The following TCOF1 variants were observed in gnomAD, a reference collection of about 807,000 sequenced individuals.
TCOF1 encodes treacle ribosome biogenesis factor 1.
A neutral mutation model predicts 149.0 loss-of-function variants in TCOF1; 33 were observed. That is an observed-to-expected ratio of 0.22 (90% confidence interval 0.17 to 0.30). The LOEUF is 0.30. TCOF1 is among the 10% of genes least tolerant of loss of function. The pLI, the probability that TCOF1 is intolerant of heterozygous loss-of-function variation, is 1.00. For missense variants in TCOF1, 1,728 were observed against 1,840.7 expected (o/e 0.94, Z 1.12); for synonymous variants, 789 against 738.8 (o/e 1.07, Z -1.10).
At chr5:150,363,171 T>C (rs900905583) in intron 2 of TCOF1, among the ~76,000 whole-genome samples, 1 of 152,214 alleles carries the variant, frequency 6.6e-6, no homozygotes, top group African/African-American at 2.4e-5. Context: ...ATTCTTGATA[T>C]AGCTGGGAAC....
intron 14 of TCOF1, chr5:150,378,692 T>C (rs773059353): frequency 3.1e-5 from 19 of 621,976 alleles, no homozygotes; most frequent in Non-Finnish European, 5.4e-5. Context: ...TTAGTCTTCA[T>C]CATAACCCGT....
chr5:150,384,589 CTG>C, intron 17 of TCOF1: 1 of 985,482 alleles, frequency 1.0e-6, no homozygotes, highest in Non-Finnish European at 1.2e-6. Context: ...CCCCCTTTCT[CTG>C]TGGGGGTGGA....
chr5:150,372,009 A>T lies in TCOF1; in HGVS notation c.643A>T (p.Lys215Ter), dbSNP rs751988102. 1 of 1,613,876 alleles carries T rather than the reference A, an allele frequency of 6.2e-7. No individual in the cohort carries two copies. The highest frequency in any genetic ancestry group is 8.5e-7 in the Non-Finnish European group (1 of 1,179,716). The change falls in exon 7 of 27, where the codon AAA becomes TAA. Residue 215 changes from lysine to a stop codon, truncating the protein, a stop_gained. Coordinates refer to ENST00000643257, the MANE Select transcript of TCOF1 (RefSeq NM_001371623.1). LOFTEE classifies it high-confidence loss of function. Reference protein sequence around the residue: ...SSSDETDVEGKPSVKPAQVKA... With the variant: ...SSSDETDVEG ...TAATTCCATCCTCTTGTTCCAGGGGAAACCCTCAGTAAAACCAGCCCAGGT... is the reference window on the plus strand; with the variant it reads ...TAATTCCATCCTCTTGTTCCAGGGGTAACCCTCAGTAAAACCAGCCCAGGT...
At chr5:150,374,501 T>C in intron 8 of TCOF1, 115 bp downstream of exon 8, 1 of 1,563,322 alleles carries the variant, frequency 6.4e-7, no homozygotes, top group Admixed American at 1.8e-5. Context: ...CCCCAGCCCC[T>C]TACTCCCCTC....
At position 150,396,650 on chromosome 5, in the gene TCOF1, A is replaced by T. The variant is rs551923695; in HGVS notation, c.4153A>T (p.Thr1385Ser). The T allele has an allele frequency of 1.2e-6, 2 of 1,608,714 alleles. No homozygotes were observed. The highest frequency in any genetic ancestry group is 1.3e-5 in the African/African-American group (1 of 74,966). Residue 1385 changes from threonine (T) to serine (S), a missense_variant, in exon 24 of 27, where the codon ACG becomes TCG. By Grantham distance (58) the Thr-to-Ser change is moderately conservative. This residue lies in a region of TCOF1 where 1,696 missense variants were observed against 1,765.4 expected (regional missense o/e 0.96). Coordinates refer to ENST00000643257, the MANE Select transcript of TCOF1 (RefSeq NM_001371623.1). The stretch of plus-strand genomic sequence containing the variant: ...CTCTGTTTCCCCAGAAAAGACCTCC[A>T]CGACTTCCAAGGGGAAAGCAAAGAG... ...EASVSPEKTS[T>S]TSKGKAKRDK... is the part of the protein sequence containing the mutation.
Position 150,368,712 on chromosome 5 carries a change from G to A in TCOF1, c.379-4G>A, listed in dbSNP as rs1391509236. ...GATGTGTCTGTCACTCTTGTTCTCT[G>A]TAGGCAGAGACAGAGAAAGCTGGCA... is the stretch of plus-strand genomic sequence containing the variant. On this transcript the variant is annotated splice_region_variant and splice_polypyrimidine_tract_variant and intron_variant, in intron 4 of 26. Coordinates refer to ENST00000643257, the MANE Select transcript of TCOF1 (RefSeq NM_001371623.1). 2 of 1,614,002 alleles carry A rather than the reference G, an allele frequency of 1.2e-6. No individual in the cohort carries two copies. Among genetic ancestry groups the A allele is most frequent in the East Asian group, 2.2e-5 (1 of 44,896 alleles).
In TCOF1 at chr5:150,375,155, G is replaced by C; in HGVS notation, c.1480G>C (p.Ala494Pro). Residue 494 changes from alanine (A) to proline (P), a missense_variant, in exon 10 of 27, where the codon GCA becomes CCA. Coordinates refer to ENST00000643257, the MANE Select transcript of TCOF1 (RefSeq NM_001371623.1). ...CAGAGAGGCACTGGCAGCCATGAAT[G>C]CAGCTCAGGTGAGGCTGGAAGCCGC... ...SDREALAAMN[A>P]AQVKPLGKSP... 6.2e-7 allele frequency: 1 copy of C among 1,613,644 alleles called. No individual in the cohort carries two copies. The highest frequency in any genetic ancestry group is 1.1e-5 in the South Asian group (1 of 91,050).
Position 150,392,144 on chromosome 5 carries a change from G to A in TCOF1, c.3485G>A (p.Gly1162Glu). ...SSSGSEEDGE[G>E]PQGAKSAHTL... ...TCAGGGAGTGAGGAAGATGGTGAAG[G>A]GCCCCAGGGGGCCAAGTCAGCCCAC... Residue 1162 changes from glycine to glutamate, a missense_variant, in exon 21 of 27, where the codon GGG (glycine) becomes GAG (glutamate). Gly to Glu is a moderately conservative substitution (Grantham distance 98). This residue lies in a region of TCOF1 where 1,696 missense variants were observed against 1,765.4 expected (regional missense o/e 0.96). Transcript: ENST00000643257. 2 of 1,614,202 alleles carry A rather than the reference G, an allele frequency of 1.2e-6. No homozygotes were observed. The highest frequency in any genetic ancestry group is 1.1e-5 in the South Asian group (1 of 91,090).
At chr5:150,374,063 G>A (rs1763138994) in intron 7 of TCOF1, 111 bp from the exon 8 acceptor site, 1 of 1,202,348 alleles carries the variant, frequency 8.3e-7, no homozygotes, top group Non-Finnish European at 1.2e-6. Flanking sequence ...AGTGGGGAGG[G>A]AAGCAGGGGA....
intron 12 of TCOF1, 46 bp from the exon 13 acceptor site, chr5:150,376,034 ACT>A: frequency 1.1e-5 from 17 of 1,613,004 alleles, no homozygotes; most frequent in Non-Finnish European, 1.4e-5. Context: ...CAGATGGGGG[ACT>A]CTGAGTTCAG....
chr5:150,375,931 T>C, intron 12 of TCOF1, 22 bp downstream of exon 12: 1 of 1,614,036 alleles, frequency 6.2e-7, no homozygotes, highest in Non-Finnish European at 8.5e-7. Context: ...GGAAGGAGGC[T>C]GCTACATGGC....
At chr5:150,371,789 C>T (rs1260478515) in intron 6 of TCOF1, among the ~76,000 whole-genome samples, 1 of 152,194 alleles carries the variant, frequency 6.6e-6, no homozygotes, top group East Asian at 1.9e-4. Context: ...TCCAGTGGGG[C>T]TCTGTCCCTT....
intron 17 of TCOF1, among the ~76,000 whole-genome samples, chr5:150,381,271 C>A (rs1400094036): frequency 6.6e-6 from 1 of 152,198 alleles, no homozygotes; most frequent in Non-Finnish European, 1.5e-5. Context: ...GAGATGAATG[C>A]TCCCTAGCCC....
chr5:150,393,496 A>C lies in TCOF1; in HGVS notation c.3728A>C (p.Asp1243Ala). 6 of 1,614,182 alleles carry C rather than the reference A, an allele frequency of 3.7e-6. No individual in the cohort carries two copies. The highest frequency in any genetic ancestry group is 5.1e-6 in the Non-Finnish European group (6 of 1,180,036). Reference sequence around the variant, plus strand: ...ACTCTGGCCGCCAAAGATGACCCAGATGGCAAGCAGGAGGCAAAGCCCCAA... The same window carrying C: ...ACTCTGGCCGCCAAAGATGACCCAGCTGGCAAGCAGGAGGCAAAGCCCCAA... ...SSTLAAKDDP[D>A]GKQEAKPQQA... Residue 1243 changes from aspartate to alanine, a missense_variant, in exon 23 of 27, where the codon GAT (aspartate) becomes GCT (alanine). Physicochemically the swap from Asp to Ala is moderately radical, Grantham distance 126. Around this residue, in one of 2 missense-constraint regions of TCOF1, gnomAD observed 1,696 missense variants for 1,765.4 expected, o/e 0.96. Transcript: ENST00000643257.
In TCOF1 at chr5:150,376,287, A is replaced by C; in HGVS notation, c.2099A>C (p.Asp700Ala). 6.2e-7 allele frequency: 1 copy of C among 1,614,162 alleles called. No homozygotes were observed. Among genetic ancestry groups the C allele is most frequent in the Non-Finnish European group, 8.5e-7 (1 of 1,180,016 alleles). Reference protein sequence around the residue: ...AEDSSSSEESDSEEEKTGLAV... With the variant: ...AEDSSSSEESASEEEKTGLAV... ...GATTCTTCAAGCAGTGAGGAATCAG[A>C]TAGTGAGGAAGAGAAGACAGGTCTT... The change falls in exon 13 of 27, where the codon GAT becomes GCT. Residue 700 changes from aspartate to alanine, a missense_variant. Asp to Ala is a moderately radical substitution (Grantham distance 126). This residue lies in a region of TCOF1 where 1,696 missense variants were observed against 1,765.4 expected (regional missense o/e 0.96). Coordinates refer to ENST00000643257, the MANE Select transcript of TCOF1 (RefSeq NM_001371623.1).
At chr5:150,395,251 G>C (rs1371867335) in intron 23 of TCOF1, among the ~76,000 whole-genome samples, 2 of 152,228 alleles carry the variant, frequency 1.3e-5, no homozygotes, top group Non-Finnish European at 2.9e-5. Flanking sequence ...GTGTGACATG[G>C]AGTATCCACC....
At chr5:150,396,189 G>A (rs1185689246) in intron 23 of TCOF1, 93 bp from the exon 24 acceptor site, 6 of 1,405,236 alleles carry the variant, frequency 4.3e-6, no homozygotes, top group East Asian at 2.3e-5. Context: ...AAGAAAAGAT[G>A]GAGTCACTCC....
chr5:150,371,590 G>C (rs926216941), intron 6 of TCOF1, among the ~76,000 whole-genome samples: 1 of 152,200 alleles, frequency 6.6e-6, no homozygotes, highest in African/African-American at 2.4e-5. Flanking sequence ...GGCAGAGGTG[G>C]TGTTCACATC....
intron 21 of TCOF1, 42 bp downstream of exon 21, chr5:150,392,218 G>A: frequency 2.5e-6 from 4 of 1,596,180 alleles, no homozygotes; most frequent in Non-Finnish European, 3.4e-6. Context: ...CCAGGAAGAG[G>A]GTGTTGTGTG....
Sources: allele counts gnomAD v4.1 joint callset (sites outside exome capture counted in the v4.1 genomes callset), GRCh38; gene constraint gnomAD v4.1.1; regional missense constraint gnomAD v4.1.1; transcripts MANE v1.5; gene names NCBI Gene and HGNC (gene_info 2026-07-23, HGNC 2026-07-21).